Variants in EPHB1 observed in about 807,000 individuals in gnomAD.
The protein encoded by EPHB1 is EPH receptor B1.
In EPHB1, 30 loss-of-function variants were observed where a neutral mutation model predicts 94.4. The observed-to-expected ratio is 0.32, with a 90% CI of 0.24 to 0.43. The LOEUF (loss-of-function observed/expected upper bound fraction) is 0.43, where lower values mean the gene tolerates loss of function less well. EPHB1 is among the 20% of genes least tolerant of loss of function. The probability of loss-of-function intolerance (pLI) is 1.00; values close to 1 mark genes in which losing one functional copy is unlikely to be tolerated. For synonymous variants in EPHB1, 522 were observed against 489.1 expected (o/e 1.07, Z -0.89); for missense variants, 1,055 against 1,308.3 (o/e 0.81, Z 2.99).
At chr3:135,209,511 C>T (rs1296738472) in intron 12 of EPHB1, among the ~76,000 whole-genome samples, 1 of 152,174 alleles carries the variant, frequency 6.6e-6, no homozygotes, top group Non-Finnish European at 1.5e-5. Flanking sequence ...TGGGTCTCAT[C>T]ATGAGAAAAC....
intron 3 of EPHB1, among the ~76,000 whole-genome samples, chr3:135,007,544 C>T (rs1003541490): frequency 6.6e-6 from 1 of 152,172 alleles, no homozygotes; most frequent in Non-Finnish European, 1.5e-5. Context: ...AAGGGATGTC[C>T]TTAATTCAGA....
chr3:135,061,944 T>A (rs1937516934), intron 3 of EPHB1, among the ~76,000 whole-genome samples: 1 of 152,234 alleles, frequency 6.6e-6, no homozygotes, highest in Non-Finnish European at 1.5e-5. Flanking sequence ...TTTTTATGGC[T>A]GCATAGTATT....
intron 3 of EPHB1, among the ~76,000 whole-genome samples, chr3:135,005,680 G>A (rs1000710899): frequency 2.3e-4 from 35 of 152,336 alleles, no homozygotes; most frequent in Admixed American, 5.9e-4. Flanking sequence ...TTTTAAGCCC[G>A]TCGGAAAAGC....
rs551756557 is a variant in EPHB1 at position 135,046,643 on chromosome 3, C to T, written c.806-59805C>T. On this transcript the variant is annotated intron_variant, in intron 3 of 15. Coordinates refer to ENST00000398015, the MANE Select transcript of EPHB1 (RefSeq NM_004441.5). Reference sequence around the variant, plus strand: ...CCTTCAATTGAGAAATACAAATTCCCCAGTCCCAGGCGAGACTAATTAAGT... The same window carrying T: ...CCTTCAATTGAGAAATACAAATTCCTCAGTCCCAGGCGAGACTAATTAAGT... 9.9e-4 allele frequency among the ~76,000 whole-genome samples: 151 copies of T among 152,284 alleles called. 2 individuals are homozygous for T. In the South Asian group the frequency reaches 0.013, roughly 13 times the overall value.
chr3:134,832,049 T>G (rs2036591174), intron 1 of EPHB1, among the ~76,000 whole-genome samples: 1 of 152,234 alleles, frequency 6.6e-6, no homozygotes, highest in African/African-American at 2.4e-5. Flanking sequence ...AAATCTGAAT[T>G]CCAAGTAAGC....
At chr3:135,124,046 C>T (rs954294237) in intron 4 of EPHB1, among the ~76,000 whole-genome samples, 2 of 151,712 alleles carry the variant, frequency 1.3e-5, no homozygotes, top group African/African-American at 2.4e-5. Flanking sequence ...ACTTATGAGT[C>T]TGCCTCCCCC....
intron 1 of EPHB1, among the ~76,000 whole-genome samples, chr3:134,826,270 A>G (rs1016136100): frequency 6.7e-6 from 1 of 150,002 alleles, no homozygotes; most frequent in Non-Finnish European, 1.5e-5. Flanking sequence ...AAAAAAAAGC[A>G]ATTGAAAATG....
At chr3:134,959,955 A>G (rs1933439821) in intron 3 of EPHB1, among the ~76,000 whole-genome samples, 1 of 138,450 alleles carries the variant, frequency 7.2e-6, no homozygotes, top group African/African-American at 2.7e-5. Flanking sequence ...TTTGAGCACA[A>G]ACATCTGCAC....
At chr3:135,031,126 C>A (rs1221372232) in intron 3 of EPHB1, among the ~76,000 whole-genome samples, 1 of 152,182 alleles carries the variant, frequency 6.6e-6, no homozygotes, top group Non-Finnish European at 1.5e-5. Context: ...CACTGTCTGG[C>A]ACTCCCTAGT....
In EPHB1 at chr3:135,162,240, G is replaced by T. The variant is rs1941530341; in HGVS notation, c.1585+60G>T. The T allele has an allele frequency of 2.7e-6, 4 of 1,490,722 alleles. No individual in the cohort carries two copies. The South Asian group carries it at 5.5e-5, about 20-fold the overall frequency. The allele number at this position is 1,490,722 out of a possible 1,614,324, so 92.3% of individuals were successfully genotyped here. A position where few individuals can be genotyped will look rare whatever the true frequency, so the allele number is the denominator to read the frequency against. On this transcript the variant is annotated intron_variant, in intron 7 of 15. Transcript: ENST00000398015. ...GGCAGGCAGTGTGGGAGAAAAAGTAGCCCCAAAGATGCTGCACTAGCCAAA... is the reference window on the plus strand; with the variant it reads ...GGCAGGCAGTGTGGGAGAAAAAGTATCCCCAAAGATGCTGCACTAGCCAAA...
chr3:134,828,522 G>C (rs1458637175), intron 1 of EPHB1, among the ~76,000 whole-genome samples: 1 of 152,186 alleles, frequency 6.6e-6, no homozygotes, highest in Non-Finnish European at 1.5e-5. Context: ...TCATTTTATA[G>C]ATCAGGAACC....
intron 13 of EPHB1, among the ~76,000 whole-genome samples, chr3:135,243,394 G>A (rs954164804): frequency 1.3e-5 from 2 of 152,220 alleles, no homozygotes; most frequent in African/African-American, 4.8e-5. Flanking sequence ...GAACATTTGA[G>A]TGGAGGAGGT....
chr3:135,126,276 G>T (rs773356868), intron 4 of EPHB1, among the ~76,000 whole-genome samples: 4 of 152,112 alleles, frequency 2.6e-5, no homozygotes, highest in Non-Finnish European at 4.4e-5. Context: ...TACATTTGTT[G>T]CTTTCCTGAC....
intron 10 of EPHB1, among the ~76,000 whole-genome samples, chr3:135,192,160 A>G (rs1189252311): frequency 6.6e-6 from 1 of 152,232 alleles, no homozygotes; most frequent in African/African-American, 2.4e-5. Context: ...CAGAGGGCCA[A>G]AGTACCTGAA....
chr3:134,827,390 TAC>T (rs933993570), intron 1 of EPHB1, among the ~76,000 whole-genome samples: 2 of 141,584 alleles, frequency 1.4e-5, no homozygotes, highest in African/African-American at 5.5e-5. Context: ...CACACACACA[TAC>T]ACACACACTC....
chr3:135,256,777 G>T (rs1933412577), intron 15 of EPHB1, among the ~76,000 whole-genome samples: 1 of 152,008 alleles, frequency 6.6e-6, no homozygotes, highest in African/African-American at 2.4e-5. Flanking sequence ...TTGCCAGATT[G>T]GGGAAGTTCT....
chr3:135,258,201 C>T (rs997763510), intron 15 of EPHB1, among the ~76,000 whole-genome samples: 1 of 152,212 alleles, frequency 6.6e-6, no homozygotes, highest in Non-Finnish European at 1.5e-5. Flanking sequence ...TAGACTGGAG[C>T]TGTTCCTATT....
chr3:135,090,736 G>A (rs763139272), intron 3 of EPHB1, among the ~76,000 whole-genome samples: 4 of 152,214 alleles, frequency 2.6e-5, no homozygotes, highest in Non-Finnish European at 5.9e-5. Context: ...GGCAGTGTAG[G>A]GGGAAGGGTT....
At chr3:135,163,363 A>G (rs1194464544) in intron 7 of EPHB1, among the ~76,000 whole-genome samples, 1 of 152,186 alleles carries the variant, frequency 6.6e-6, no homozygotes, top group African/African-American at 2.4e-5. Context: ...CACTTCCAAT[A>G]TCTCTAACCT....
Sources: allele counts gnomAD v4.1 joint callset (sites outside exome capture counted in the v4.1 genomes callset), GRCh38; gene constraint gnomAD v4.1.1; transcripts MANE v1.5; gene names NCBI Gene and HGNC (gene_info 2026-07-23, HGNC 2026-07-21).